DNAH11: variants seen among roughly 807,000 people sequenced by gnomAD.
DNAH11 encodes dynein axonemal heavy chain 11.
In DNAH11, 442 loss-of-function variants were observed where a neutral mutation model predicts 526.0. The observed-to-expected ratio is 0.84, with a 90% CI of 0.78 to 0.91. The LOEUF is 0.91. DNAH11 is among the 40% of genes least tolerant of loss of function. The probability of loss-of-function intolerance (pLI) is 0.00; values close to 1 mark genes in which losing one functional copy is unlikely to be tolerated. For synonymous variants in DNAH11, 2,461 were observed against 1,935.9 expected (o/e 1.27, Z -7.12); for missense variants, 6,989 against 5,448.7 (o/e 1.28, Z -8.90).
chr7:21,544,956 G>C, intron 1 of DNAH11, 50 bp from the exon 2 acceptor site: 1 of 1,463,306 alleles, frequency 6.8e-7, no homozygotes, highest in East Asian at 2.4e-5. Flanking sequence ...AGTAAATCCT[G>C]CTTGTTAACA....
At position 21,807,911 on chromosome 7, in the gene DNAH11, G is replaced by A. The variant is rs375399088; in HGVS notation, c.10194G>A (p.Lys3398=). The A allele has an allele frequency of 8.7e-6, 14 of 1,606,482 alleles. No homozygotes were observed. The highest frequency in any genetic ancestry group is 1.1e-5 in the Non-Finnish European group (13 of 1,174,398). Reference sequence around the variant, plus strand: ...AGATTCGCTGGGGTCAATCCATTAAGTCCTTTGAAGCTCAAGAGAAGACAC... The same window carrying A: ...AGATTCGCTGGGGTCAATCCATTAAATCCTTTGAAGCTCAAGAGAAGACAC... ...AKKIRWGQSI[K]SFEAQEKTLC... is the part of the protein sequence containing the mutation. The change falls in exon 63 of 82, where the codon AAG becomes AAA. Residue 3398 remains lysine (K), a synonymous_variant. Transcript: ENST00000409508.
At position 21,606,162 on chromosome 7, in the gene DNAH11, C is replaced by A. The variant is rs6461588; in HGVS notation, c.3649-264C>A. On this transcript the variant is annotated intron_variant, in intron 18 of 81. Transcript: ENST00000409508. ...AACATGCTGAAACCCTGTCCTACAA[C>A]AAATACAAAAATTATCTGGGCATGG... Among the ~76,000 whole-genome samples the A allele has an allele frequency of 0.27, 41,183 of 151,756 alleles. 6,621 individuals are homozygous for A. The highest frequency in any genetic ancestry group is 0.45 in the African/African-American group (18,621 of 41,312).
At chr7:21,669,055 C>T (rs1011735151) in intron 30 of DNAH11, among the ~76,000 whole-genome samples, 1 of 152,124 alleles carries the variant, frequency 6.6e-6, no homozygotes, top group Non-Finnish European at 1.5e-5. Context: ...TTTTAACTGG[C>T]ATTTTTCTAA....
chr7:21,686,463 G>T (rs536785402), intron 32 of DNAH11, among the ~76,000 whole-genome samples: 2 of 152,074 alleles, frequency 1.3e-5, no homozygotes, highest in African/African-American at 4.8e-5. Context: ...AGGTATTCTT[G>T]TTTCATGATT....
At chr7:21,893,263 T>A (rs1784392131) in intron 77 of DNAH11, among the ~76,000 whole-genome samples, 2 of 152,320 alleles carry the variant, frequency 1.3e-5, no homozygotes, top group South Asian at 4.1e-4. Context: ...TCCCAATCAG[T>A]TTTCTCCAGT....
chr7:21,566,798 A>G (rs1027653474), intron 6 of DNAH11, among the ~76,000 whole-genome samples: 55 of 152,174 alleles, frequency 3.6e-4, no homozygotes, highest in African/African-American at 1.3e-3. Flanking sequence ...GAACATTGGA[A>G]ATGGTTCTGG....
At chr7:21,632,952 G>A (rs1412139697) in intron 25 of DNAH11, among the ~76,000 whole-genome samples, 4 of 152,224 alleles carry the variant, frequency 2.6e-5, no homozygotes, top group South Asian at 4.1e-4. Context: ...AAAGAAAGAG[G>A]TTTATTGGAC....
At chr7:21,820,573 A>G (rs987546878) in intron 65 of DNAH11, among the ~76,000 whole-genome samples, 1 of 152,136 alleles carries the variant, frequency 6.6e-6, no homozygotes, top group Non-Finnish European at 1.5e-5. Context: ...ATAGAATCCA[A>G]ATGGGTGGAG....
At chr7:21,592,998 A>C (rs1017657216) in intron 14 of DNAH11, among the ~76,000 whole-genome samples, 1 of 152,200 alleles carries the variant, frequency 6.6e-6, no homozygotes, top group South Asian at 2.1e-4. Context: ...AATCCAGGTA[A>C]GTAACAGAGA....
At chr7:21,592,717 A>C (rs768301513) in intron 14 of DNAH11, among the ~76,000 whole-genome samples, 7 of 152,218 alleles carry the variant, frequency 4.6e-5, no homozygotes, top group African/African-American at 1.2e-4. Flanking sequence ...AAGGCAGTTC[A>C]TATCCTGCAG....
At chr7:21,591,075 A>G in intron 13 of DNAH11, 53 bp downstream of exon 13, 1 of 1,373,136 alleles carries the variant, frequency 7.3e-7, no homozygotes, top group Non-Finnish European at 9.6e-7. Context: ...GAATATAAAT[A>G]TTTTGAATTT....
chr7:21,738,647 AAATG>A (rs1785726752), intron 46 of DNAH11, 50 bp from the exon 47 acceptor site: 1 of 1,484,400 alleles, frequency 6.7e-7, no homozygotes, highest in African/African-American at 1.4e-5. Context: ...AAAAATGACT[AAATG>A]AACATTTACA....
intron 61 of DNAH11, among the ~76,000 whole-genome samples, chr7:21,790,456 C>T (rs979715237): frequency 9.2e-5 from 14 of 152,000 alleles, no homozygotes; most frequent in African/African-American, 2.7e-4. Context: ...TCTCAAACAA[C>T]AAAAAGAAAA....
intron 54 of DNAH11, among the ~76,000 whole-genome samples, chr7:21,763,353 A>AAAAAAGAAG (rs66803559): frequency 3.5e-5 from 2 of 56,964 alleles, no homozygotes; most frequent in Non-Finnish European, 5.6e-5. Flanking sequence ...AAAAAAAAAA[A>AAAAAAGAAG]AAAGAAAAAA....
chr7:21,760,957 T>G (rs1359294998), intron 54 of DNAH11, among the ~76,000 whole-genome samples: 1 of 152,262 alleles, frequency 6.6e-6, no homozygotes, highest in Non-Finnish European at 1.5e-5. Context: ...TTGTTTTTAT[T>G]TCTTATAAGC....
At position 21,715,346 on chromosome 7, in the gene DNAH11, A is replaced by G. The variant is rs1046735077; in HGVS notation, c.6984-2429A>G. 2.0e-5 allele frequency among the ~76,000 whole-genome samples: 3 copies of G among 152,358 alleles called. No individual in the cohort carries two copies. The East Asian group carries it at 5.8e-4, about 29-fold the overall frequency. On this transcript the variant is annotated intron_variant, in intron 42 of 81. Transcript: ENST00000409508. ...GATAAACCTGGAACAGTTCTGCAGG[A>G]AGGAGAAACAACTGAGCTGCTGATA...
At chr7:21,637,972 G>A (rs1786947770) in intron 27 of DNAH11, among the ~76,000 whole-genome samples, 1 of 151,966 alleles carries the variant, frequency 6.6e-6, no homozygotes, top group East Asian at 1.9e-4. Context: ...GAATTGACAT[G>A]ATTGATTGAT....
At chr7:21,767,095 T>C (rs7793192) in intron 55 of DNAH11, among the ~76,000 whole-genome samples, 142,593 of 152,264 alleles carry the variant, frequency 0.94, 66,939 homozygotes, top group African/African-American at 0.97. Flanking sequence ...ATTTCGTATG[T>C]GATTGCCAGG....
At chr7:21,690,630 C>A in intron 34 of DNAH11, 135 bp from the exon 35 acceptor site, 1 of 624,826 alleles carries the variant, frequency 1.6e-6, no homozygotes, top group Non-Finnish European at 2.8e-6. Context: ...TATGTATGGG[C>A]TTATGAATTT....
Sources: allele counts gnomAD v4.1 joint callset (sites outside exome capture counted in the v4.1 genomes callset), GRCh38; gene constraint gnomAD v4.1.1; transcripts MANE v1.5; gene names NCBI Gene and HGNC (gene_info 2026-07-23, HGNC 2026-07-21).